The following WASL variants were observed in gnomAD, a reference collection of about 807,000 sequenced individuals.
WASL encodes WASP like actin nucleation promoting factor.
Under a neutral mutation model 55.5 loss-of-function variants are expected in WASL, and 20 were observed. The ratio of observed to expected loss-of-function variants is 0.36; its 90% confidence interval spans 0.25 to 0.52. The LOEUF (loss-of-function observed/expected upper bound fraction) is 0.52, where lower values mean the gene tolerates loss of function less well. Among genes scored for constraint, WASL ranks in the 20% least tolerant of loss-of-function variants. WASL has a pLI of 0.92. For synonymous variants in WASL, 249 were observed against 217.6 expected (o/e 1.14, Z -1.27); for missense variants, 504 against 622.5 (o/e 0.81, Z 2.03).
chr7:123,692,816 G>A lies in WASL; in HGVS notation c.878C>T (p.Pro293Leu). 1.4e-6 allele frequency: 2 copies of A among 1,413,642 alleles called. No individual in the cohort carries two copies. The highest frequency in any genetic ancestry group is 1.9e-6 in the Non-Finnish European group (2 of 1,080,500). The allele number at this position is 1,413,642 out of a possible 1,614,324, so 87.6% of individuals were successfully genotyped here. ...SRGGPPPPPP[P>L]PHNSGPPPPP... ...AGGAGGAGGACCTGAGTTGTGTGGA[G>A]GGGGAGGAGGAGGAGGTGGCCCTCC... Residue 293 changes from proline (P) to leucine (L), a missense_variant, in exon 9 of 11, where the codon CCT (proline) becomes CTT (leucine). By Grantham distance (98) the Pro-to-Leu change is moderately conservative (BLOSUM62 -3). Around this residue, in one of 5 missense-constraint regions of WASL, gnomAD observed 201 missense variants for 206.2 expected, o/e 0.97. Coordinates refer to ENST00000223023, the MANE Select transcript of WASL (RefSeq NM_003941.4).
chr7:123,704,433 T>A (rs1335405173), intron 5 of WASL, among the ~76,000 whole-genome samples: 1 of 152,118 alleles, frequency 6.6e-6, no homozygotes, highest in Non-Finnish European at 1.5e-5. Context: ...CATCTGTCAA[T>A]CATTAATTAA....
chr7:123,723,143 T>C (rs1475495510), intron 1 of WASL, among the ~76,000 whole-genome samples: 1 of 152,264 alleles, frequency 6.6e-6, no homozygotes, highest in African/African-American at 2.4e-5. Flanking sequence ...CTTAGAACAC[T>C]GGCATTGTAT....
chr7:123,720,576 T>C (rs1422724643), intron 1 of WASL, among the ~76,000 whole-genome samples: 1 of 152,120 alleles, frequency 6.6e-6, no homozygotes, highest in Non-Finnish European at 1.5e-5. Flanking sequence ...ACAGGTATTT[T>C]GTTGGAGAAG....
intron 1 of WASL, among the ~76,000 whole-genome samples, chr7:123,732,980 A>T (rs912883195): frequency 9.2e-5 from 13 of 140,636 alleles, no homozygotes; most frequent in African/African-American, 3.0e-4. Flanking sequence ...CATTCATAAT[A>T]AAAAAAAATC....
chr7:123,730,533 C>T (rs967607382), intron 1 of WASL, among the ~76,000 whole-genome samples: 8 of 151,738 alleles, frequency 5.3e-5, no homozygotes, highest in Non-Finnish European at 1.2e-4. Context: ...AACTACAGGG[C>T]AACCACTTAA....
intron 1 of WASL, among the ~76,000 whole-genome samples, chr7:123,738,379 G>C (rs1340373876): frequency 6.6e-6 from 1 of 152,122 alleles, no homozygotes; most frequent in East Asian, 1.9e-4. Flanking sequence ...AATGCTGCTG[G>C]CCAAGTAAAA....
intron 8 of WASL, 23 bp from the exon 9 acceptor site, chr7:123,692,890 G>A: frequency 7.4e-7 from 1 of 1,345,668 alleles, no homozygotes; most frequent in Non-Finnish European, 9.6e-7. Flanking sequence ...CAGAAAAAAA[G>A]AAGGCATGCT....
intron 1 of WASL, among the ~76,000 whole-genome samples, chr7:123,747,107 C>CGT (rs1264302928): frequency 1.3e-5 from 2 of 151,948 alleles, no homozygotes; most frequent in Non-Finnish European, 2.9e-5. Context: ...AGAAATAAAT[C>CGT]AGTAACAGGA....
chr7:123,729,942 C>T (rs1804110860), intron 1 of WASL, among the ~76,000 whole-genome samples: 1 of 151,894 alleles, frequency 6.6e-6, no homozygotes, highest in Non-Finnish European at 1.5e-5. Context: ...CTTCAATAAA[C>T]CTAAAAATTC....
At position 123,683,204 on chromosome 7, in the gene WASL, A is replaced by C. The variant is rs1803228389; in HGVS notation, c.*1315T>G. The C allele has an allele frequency of 6.6e-6, 1 of 152,126 alleles. No homozygotes were observed. The highest frequency in any genetic ancestry group is 2.1e-4 in the South Asian group (1 of 4,836). 9.4% of individuals were successfully genotyped at this position (152,126 alleles called of 1,614,324 possible). On this transcript the variant is annotated 3_prime_UTR_variant, in exon 11 of 11. Coordinates refer to ENST00000223023, the MANE Select transcript of WASL (RefSeq NM_003941.4). Reference sequence around the variant, plus strand: ...AGAAAAATATGTTTGTATTTAAATCAGATAATTTTCTACCTAAAATTTAAA... The same window carrying C: ...AGAAAAATATGTTTGTATTTAAATCCGATAATTTTCTACCTAAAATTTAAA...
At chr7:123,745,436 G>GT (rs1291702213) in intron 1 of WASL, among the ~76,000 whole-genome samples, 1 of 152,066 alleles carries the variant, frequency 6.6e-6, no homozygotes, top group Non-Finnish European at 1.5e-5. Context: ...ATGTACACTG[G>GT]TATCTTCAGC....
chr7:123,694,961 G>T, intron 7 of WASL, 93 bp from the exon 8 acceptor site: 1 of 1,380,198 alleles, frequency 7.2e-7, no homozygotes, highest in Non-Finnish European at 9.8e-7. Context: ...AAATTATTTT[G>T]CCTAAACTTT....
intron 1 of WASL, among the ~76,000 whole-genome samples, chr7:123,725,543 C>G (rs753945511): frequency 4.0e-5 from 6 of 150,604 alleles, no homozygotes; most frequent in Non-Finnish European, 1.5e-5. Context: ...TGTTTTTTTC[C>G]TCATTAGAAT....
chr7:123,734,219 A>T (rs1224670367), intron 1 of WASL, among the ~76,000 whole-genome samples: 1 of 152,178 alleles, frequency 6.6e-6, no homozygotes, highest in African/African-American at 2.4e-5. Flanking sequence ...TCAGATAAAA[A>T]TACATGTGAA....
rs200599879 is a variant in WASL at position 123,682,778 on chromosome 7, C to T, written c.*1741G>A. 6.6e-6 allele frequency: 1 copy of T among 151,986 alleles called. No individual in the cohort carries two copies. The highest frequency in any genetic ancestry group is 6.6e-5 in the Admixed American group (1 of 15,234). The allele number at this position is 151,986 out of a possible 1,614,324, so 9.4% of individuals were successfully genotyped here. A position where few individuals can be genotyped will look rare whatever the true frequency, so the allele number is the denominator to read the frequency against. On this transcript the variant is annotated 3_prime_UTR_variant, in exon 11 of 11. Transcript: ENST00000223023. Reference sequence around the variant, plus strand: ...TCATCTGCACCAGATTGACTGAGCTCAAGCCACAATAAAAATGATAGTAAG... The same window carrying T: ...TCATCTGCACCAGATTGACTGAGCTTAAGCCACAATAAAAATGATAGTAAG...
intron 5 of WASL, among the ~76,000 whole-genome samples, chr7:123,702,420 TTA>T (rs1160134516): frequency 6.6e-6 from 1 of 152,162 alleles, no homozygotes; most frequent in Non-Finnish European, 1.5e-5. Context: ...AACACCACTG[TTA>T]TATAAAGAAT....
chr7:123,739,737 G>A (rs574886384), intron 1 of WASL, among the ~76,000 whole-genome samples: 4 of 152,220 alleles, frequency 2.6e-5, no homozygotes, highest in African/African-American at 7.2e-5. Flanking sequence ...TCCATCATAA[G>A]TAGAAGAGCA....
At chr7:123,734,169 G>A (rs1479956315) in intron 1 of WASL, among the ~76,000 whole-genome samples, 1 of 152,010 alleles carries the variant, frequency 6.6e-6, no homozygotes, top group Non-Finnish European at 1.5e-5. Flanking sequence ...TTCTTTCTGT[G>A]AAAGACACTG....
chr7:123,748,419 G>C (rs547492134), intron 1 of WASL, among the ~76,000 whole-genome samples, 199 bp downstream of exon 1: 8 of 151,916 alleles, frequency 5.3e-5, no homozygotes, highest in African/African-American at 1.9e-4. Context: ...AGCAGCTCGG[G>C]AAGGCGGCGC....
Sources: allele counts gnomAD v4.1 joint callset (sites outside exome capture counted in the v4.1 genomes callset), GRCh38; gene constraint gnomAD v4.1.1; regional missense constraint gnomAD v4.1.1; transcripts MANE v1.5; gene names NCBI Gene and HGNC (gene_info 2026-07-23, HGNC 2026-07-21).